KCNMA1: variants seen among roughly 807,000 people sequenced by gnomAD.
KCNMA1 encodes Calcium-activated potassium channel subunit alpha-1.
Under a neutral mutation model 140.0 loss-of-function variants are expected in KCNMA1, and 29 were observed. The observed-to-expected ratio is 0.21, with a 90% CI of 0.15 to 0.28. The LOEUF (loss-of-function observed/expected upper bound fraction) is 0.28, where lower values mean the gene tolerates loss of function less well. KCNMA1 is among the 10% of genes least tolerant of loss of function. KCNMA1 has a pLI of 1.00. For missense variants in KCNMA1, 880 were observed against 1,602.2 expected (o/e 0.55, Z 7.70); for synonymous variants, 612 against 611.9 (o/e 1.00, Z 0.00).
At chr10:77,139,117 G>A (rs550565784) in intron 5 of KCNMA1, among the ~76,000 whole-genome samples, 2 of 152,276 alleles carry the variant, frequency 1.3e-5, no homozygotes, top group African/African-American at 4.8e-5. Context: ...ACTCACTACT[G>A]AAAATTAATA....
chr10:77,151,173 C>A (rs1243533514), intron 5 of KCNMA1, among the ~76,000 whole-genome samples: 1 of 139,700 alleles, frequency 7.2e-6, no homozygotes, highest in Non-Finnish European at 1.5e-5. Context: ...TTCTTTCTTT[C>A]TTTCCTTTCT....
chr10:77,426,787 T>G (rs2154491630), intron 1 of KCNMA1, among the ~76,000 whole-genome samples: 1 of 152,304 alleles, frequency 6.6e-6, no homozygotes, highest in African/African-American at 2.4e-5. Context: ...CAGCAGAGCC[T>G]TAAAGGGCAA....
At chr10:77,243,117 G>C (rs1462564049) in intron 3 of KCNMA1, among the ~76,000 whole-genome samples, 1 of 152,090 alleles carries the variant, frequency 6.6e-6, no homozygotes, top group Non-Finnish European at 1.5e-5. Flanking sequence ...CAAAAGACAA[G>C]GGGTAAAAGA....
chr10:76,891,302 GA>G, intron 26 of KCNMA1: 1 of 573,984 alleles, frequency 1.7e-6, no homozygotes, highest in Admixed American at 2.8e-5. Context: ...TGTGATACTA[GA>G]ACTTATATCA....
chr10:77,440,670 G>T (rs761005481), intron 1 of KCNMA1, among the ~76,000 whole-genome samples: 9 of 152,158 alleles, frequency 5.9e-5, no homozygotes, highest in Non-Finnish European at 1.3e-4. Context: ...CCAGAAAAGG[G>T]GAGGAAAAAA....
rs112618451 is a variant in KCNMA1 at position 77,027,770 on chromosome 10, C to T, written c.1928+53G>A. 7.0e-5 allele frequency: 97 copies of T among 1,394,352 alleles called. 1 individual carries two copies. The South Asian group carries it at 8.5e-4, about 12-fold the overall frequency. 86.4% of individuals were successfully genotyped at this position (1,394,352 alleles called of 1,614,324 possible). ...AGAAGTGAACCGACCGTTCTCAGAA[C>T]GCACTCTCACCATCAAAAGTGTCAG... On this transcript the variant is annotated intron_variant, in intron 16 of 27. Transcript: ENST00000286628.
intron 9 of KCNMA1, among the ~76,000 whole-genome samples, chr10:77,106,174 A>C (rs1189059957): frequency 6.6e-6 from 1 of 152,196 alleles, no homozygotes; most frequent in Non-Finnish European, 1.5e-5. Flanking sequence ...TGCTGATGAC[A>C]GGACGGACTC....
chr10:76,931,010 T>C (rs955191818), intron 23 of KCNMA1, among the ~76,000 whole-genome samples: 8 of 152,032 alleles, frequency 5.3e-5, no homozygotes, highest in Admixed American at 5.2e-4. Context: ...AATGGGGAGA[T>C]GTTGGTCAAA....
chr10:77,634,741 A>G, intron 1 of KCNMA1: 5 of 645,290 alleles, frequency 7.7e-6, no homozygotes, highest in Non-Finnish European at 9.6e-6. Flanking sequence ...GTCTTGACAA[A>G]ACTACCAAAT....
At chr10:77,263,944 C>T (rs1386063033) in intron 2 of KCNMA1, among the ~76,000 whole-genome samples, 1 of 152,168 alleles carries the variant, frequency 6.6e-6, no homozygotes, top group South Asian at 2.1e-4. Context: ...TCTGACATCT[C>T]TCCTTCCTGC....
At chr10:77,019,812 T>C (rs1033729076) in intron 16 of KCNMA1, 3 of 152,150 alleles carry the variant, frequency 2.0e-5, no homozygotes, top group Non-Finnish European at 4.4e-5. Flanking sequence ...CATGTCCTAA[T>C]TGAGGCAAAT....
intron 5 of KCNMA1, among the ~76,000 whole-genome samples, chr10:77,167,187 C>CT (rs34495678): frequency 0.24 from 35,899 of 151,794 alleles, 5,309 homozygotes; most frequent in Non-Finnish European, 0.33. Context: ...ATGAGATCCC[C>CT]TTTTTTTTAG....
At position 77,433,123 on chromosome 10, in the gene KCNMA1, T is replaced by C. The variant is rs1603618368; in HGVS notation, c.379-29100A>G. Among the ~76,000 whole-genome samples the C allele has an allele frequency of 3.3e-5, 5 of 152,160 alleles. No individual in the cohort carries two copies. The South Asian group carries it at 1.0e-3, about 32-fold the overall frequency. On this transcript the variant is annotated intron_variant, in intron 1 of 27. Transcript: ENST00000286628. Reference sequence around the variant, plus strand: ...ACAAAGGTGATTTCATTTTTAAAAATTTGTTGTTTATTTGTCAAGAGAAAC... The same window carrying C: ...ACAAAGGTGATTTCATTTTTAAAAACTTGTTGTTTATTTGTCAAGAGAAAC...
At chr10:76,965,134 A>C (rs1259465279) in intron 20 of KCNMA1, among the ~76,000 whole-genome samples, 1 of 152,186 alleles carries the variant, frequency 6.6e-6, no homozygotes. Context: ...TTTACAAATG[A>C]GGAAAGATGT....
chr10:77,110,410 G>A lies in KCNMA1; in HGVS notation c.961-67C>T, dbSNP rs1036933198. On this transcript the variant is annotated intron_variant, in intron 7 of 27. Coordinates refer to ENST00000286628, the MANE Select transcript of KCNMA1 (RefSeq NM_001161352.2). ...ATTGAAGTGTATACATGCAATAAAC[G>A]CGGAAGCTCGGCACTCTCGAAGGCC... 39 of 1,401,240 alleles carry A rather than the reference G, an allele frequency of 2.8e-5. No homozygotes were observed. In the African/African-American group the frequency reaches 4.0e-4, roughly 14 times the overall value. 86.8% of individuals were successfully genotyped at this position (1,401,240 alleles called of 1,614,324 possible).
At chr10:77,560,502 T>C (rs1276278063) in intron 1 of KCNMA1, among the ~76,000 whole-genome samples, 2 of 152,186 alleles carry the variant, frequency 1.3e-5, no homozygotes, top group Non-Finnish European at 2.9e-5. Flanking sequence ...TCAAGGCCAC[T>C]CAGAGAATGT....
intron 5 of KCNMA1, 32 bp downstream of exon 5, chr10:77,183,389 C>T (rs781451855): frequency 6.9e-7 from 1 of 1,440,046 alleles, no homozygotes; most frequent in East Asian, 2.3e-5. Context: ...ACTCAGGAAC[C>T]AGGAAGGAGA....
chr10:76,920,020 G>GTGTGTGTGTGTGTGTGTATATA (rs1177257916), intron 23 of KCNMA1, among the ~76,000 whole-genome samples: 1 of 34,408 alleles, frequency 2.9e-5, no homozygotes, highest in African/African-American at 1.1e-4. Context: ...GTGTGTGTGT[G>GTGTGTGTGTGTGTGTGTATATA]TATATATATA....
At chr10:76,944,428 G>A (rs983315028) in intron 23 of KCNMA1, among the ~76,000 whole-genome samples, 12 of 152,272 alleles carry the variant, frequency 7.9e-5, no homozygotes, top group Admixed American at 3.3e-4. Context: ...GGAAGGAAAC[G>A]GTCAGAATTG....
Sources: allele counts gnomAD v4.1 joint callset (sites outside exome capture counted in the v4.1 genomes callset), GRCh38; gene constraint gnomAD v4.1.1; transcripts MANE v1.5; gene names NCBI Gene and HGNC (gene_info 2026-07-23, HGNC 2026-07-21).